ITSN2: variants seen among roughly 807,000 people sequenced by gnomAD.
ITSN2 encodes intersectin-2.
A neutral mutation model predicts 243.7 loss-of-function variants in ITSN2; 156 were observed. The observed-to-expected ratio is 0.64, with a 90% CI of 0.56 to 0.73. The LOEUF (loss-of-function observed/expected upper bound fraction) is 0.73, where lower values mean the gene tolerates loss of function less well. Among genes scored for constraint, ITSN2 ranks in the 30% least tolerant of loss-of-function variants. The pLI, the probability that ITSN2 is intolerant of heterozygous loss-of-function variation, is 0.00. For synonymous variants in ITSN2, 703 were observed against 699.9 expected (o/e 1.00, Z -0.07); for missense variants, 1,801 against 1,996.1 (o/e 0.90, Z 1.86).
At chr2:24,318,382 G>C (rs1015318211) in intron 2 of ITSN2, among the ~76,000 whole-genome samples, 1 of 152,104 alleles carries the variant, frequency 6.6e-6, no homozygotes, top group Non-Finnish European at 1.5e-5. Context: ...CTGGGCTCAA[G>C]TGATCCTCCT....
chr2:24,347,884 G>C (rs1333472634), intron 1 of ITSN2, among the ~76,000 whole-genome samples: 1 of 152,068 alleles, frequency 6.6e-6, no homozygotes, highest in East Asian at 1.9e-4. Context: ...ACCAGCCTAG[G>C]AACATAGTGA....
intron 2 of ITSN2, 29 bp downstream of exon 2, chr2:24,328,022 TC>T: frequency 1.9e-6 from 3 of 1,594,988 alleles, no homozygotes; most frequent in Non-Finnish European, 2.6e-6. Context: ...ATCCATAACC[TC>T]ATCTTGCCAC....
intron 1 of ITSN2, among the ~76,000 whole-genome samples, chr2:24,333,725 C>T (rs1178015048): frequency 6.6e-6 from 1 of 152,042 alleles, no homozygotes; most frequent in Non-Finnish European, 1.5e-5. Context: ...GGAGTAATTG[C>T]CAAACGTACT....
chr2:24,261,357 T>C (rs1675832426), intron 21 of ITSN2, 107 bp from the exon 22 acceptor site: 5 of 942,968 alleles, frequency 5.3e-6, no homozygotes, highest in Admixed American at 2.8e-5. Flanking sequence ...TACACACAAT[T>C]TGTGGGAAAA....
At chr2:24,295,526 C>G in intron 14 of ITSN2, 138 bp downstream of exon 14, 1 of 536,808 alleles carries the variant, frequency 1.9e-6, no homozygotes, top group Non-Finnish European at 3.1e-6. Context: ...CTGGGCTGGT[C>G]TCGAACTCCT....
intron 23 of ITSN2, among the ~76,000 whole-genome samples, chr2:24,257,012 A>C (rs1018490933): frequency 6.6e-6 from 1 of 152,184 alleles, no homozygotes; most frequent in African/African-American, 2.4e-5. Context: ...AACTTTTCTA[A>C]CTGATTTATG....
chr2:24,217,488 C>T (rs1359335538), intron 31 of ITSN2, among the ~76,000 whole-genome samples: 1 of 152,138 alleles, frequency 6.6e-6, no homozygotes, highest in Admixed American at 6.6e-5. Context: ...GGGGCCTGTC[C>T]TCACAGCCAC....
intron 19 of ITSN2, 44 bp downstream of exon 19, chr2:24,271,722 C>T (rs1323952012): frequency 4.2e-6 from 6 of 1,444,724 alleles, no homozygotes; most frequent in South Asian, 1.7e-5. Context: ...TCATTTTTTT[C>T]TTGTTGCATT....
chr2:24,320,664 C>G (rs189804231), intron 2 of ITSN2, among the ~76,000 whole-genome samples: 1 of 150,230 alleles, frequency 6.7e-6, no homozygotes, highest in Non-Finnish European at 1.5e-5. Flanking sequence ...GCAGGGAGCA[C>G]TGATCACACC....
chr2:24,223,730 A>C (rs1486453525), intron 29 of ITSN2, among the ~76,000 whole-genome samples: 1 of 149,024 alleles, frequency 6.7e-6, no homozygotes. Context: ...GAAGGAAGGA[A>C]AAAGTGAATG....
intron 9 of ITSN2, among the ~76,000 whole-genome samples, chr2:24,303,263 CG>C (rs1473511853): frequency 3.3e-5 from 5 of 152,052 alleles, no homozygotes; most frequent in Non-Finnish European, 7.4e-5. Context: ...TGGCTCCATG[CG>C]TGTTATTGCC....
chr2:24,264,763 A>ACCTGTCGAAAATCTG (rs1553363571), intron 20 of ITSN2, among the ~76,000 whole-genome samples: 66 of 151,850 alleles, frequency 4.3e-4, no homozygotes, highest in East Asian at 7.7e-4. Context: ...ACTCTGTTCC[A>ACCTGTCGAAAATCTG]TTGATCTATT....
At chr2:24,300,238 T>A in intron 11 of ITSN2, 67 bp from the exon 12 acceptor site, 1 of 1,472,888 alleles carries the variant, frequency 6.8e-7, no homozygotes, top group Non-Finnish European at 9.3e-7. Context: ...ATCTAGTTTC[T>A]ATATACTTAT....
At chr2:24,293,277 G>C (rs568138830) in intron 15 of ITSN2, 1 of 155,512 alleles carries the variant, frequency 6.4e-6, no homozygotes, top group East Asian at 1.9e-4. Flanking sequence ...TATGACTGCT[G>C]CACGCTAACA....
intron 1 of ITSN2, among the ~76,000 whole-genome samples, chr2:24,332,862 A>G (rs1382450701): frequency 6.6e-6 from 1 of 152,234 alleles, no homozygotes; most frequent in African/African-American, 2.4e-5. Context: ...CCATTAATTC[A>G]ATACACTTCT....
chr2:24,340,405 C>T (rs780766176), intron 1 of ITSN2, among the ~76,000 whole-genome samples: 1 of 151,468 alleles, frequency 6.6e-6, no homozygotes, highest in Non-Finnish European at 1.5e-5. Flanking sequence ...CGCTTGAACC[C>T]GGGGGGTGGA....
At chr2:24,254,484 TAAGA>T in intron 23 of ITSN2, 53 bp from the exon 24 acceptor site, 1 of 1,433,626 alleles carries the variant, frequency 7.0e-7, no homozygotes, top group Non-Finnish European at 9.8e-7. Flanking sequence ...CAAGCAAAAA[TAAGA>T]AAGGTGATTT....
At chr2:24,317,834 C>T (rs547730040) in intron 2 of ITSN2, among the ~76,000 whole-genome samples, 58 of 152,270 alleles carry the variant, frequency 3.8e-4, no homozygotes, top group African/African-American at 1.4e-3. Flanking sequence ...TGGGGGAGGT[C>T]TCATTGCAGG....
Position 24,254,435 on chromosome 2 carries a change from C to T in ITSN2, c.2889-4G>A, listed in dbSNP as rs897521780. ...AGCTGCATACAAAGCTTCTGGTCTACCAAATATATAAACAAACAAACAAAC... is the reference window on the plus strand; with the variant it reads ...AGCTGCATACAAAGCTTCTGGTCTATCAAATATATAAACAAACAAACAAAC... On this transcript the variant is annotated splice_polypyrimidine_tract_variant and splice_region_variant and intron_variant, in intron 23 of 39. Coordinates refer to ENST00000355123, the MANE Select transcript of ITSN2 (RefSeq NM_006277.3). 1 of 1,602,092 alleles carries T rather than the reference C, an allele frequency of 6.2e-7. No homozygotes were observed. The highest frequency in any genetic ancestry group is 1.3e-5 in the African/African-American group (1 of 74,628).
Sources: allele counts gnomAD v4.1 joint callset (sites outside exome capture counted in the v4.1 genomes callset), GRCh38; gene constraint gnomAD v4.1.1; transcripts MANE v1.5; gene names NCBI Gene and HGNC (gene_info 2026-07-23, HGNC 2026-07-21).